BACH2: variants seen among roughly 807,000 people sequenced by gnomAD.
BACH2 encodes the protein BACH transcriptional regulator 2.
A neutral mutation model predicts 61.8 loss-of-function variants in BACH2; 5 were observed. The ratio of observed to expected loss-of-function variants is 0.08; its 90% CI spans 0.04 to 0.17. BACH2 has a LOEUF of 0.17. BACH2 is among the 10% of genes least tolerant of loss of function. The pLI, the probability that BACH2 is intolerant of heterozygous loss-of-function variation, is 1.00. For missense variants in BACH2, 824 were observed against 1,091.1 expected, an observed-to-expected ratio of 0.76 and a Z score of 3.45; for synonymous variants, 446 against 440.1, an observed-to-expected ratio of 1.01 and a Z score of -0.17.
chr6:90,000,241 T>C (rs970777787), intron 6 of BACH2, among the ~76,000 whole-genome samples: 1 of 152,230 alleles, frequency 6.6e-6, no homozygotes, highest in Non-Finnish European at 1.5e-5. Flanking sequence ...CATCCGAGAC[T>C]GAGGACCACA....
intron 1 of BACH2, among the ~76,000 whole-genome samples, chr6:90,281,844 T>A (rs1435196301): frequency 1.3e-5 from 2 of 152,126 alleles, no homozygotes; most frequent in African/African-American, 4.8e-5. Flanking sequence ...CAGGTAGACA[T>A]CATTTTCCCT....
intron 5 of BACH2, among the ~76,000 whole-genome samples, chr6:90,011,864 T>TG (rs60398278): frequency 1 from 150,834 of 150,954 alleles, 75,360 homozygotes; most frequent in East Asian, 1. Context: ...GAGGTTGCAG[T>TG]GGCCGAGATC....
intron 1 of BACH2, among the ~76,000 whole-genome samples, chr6:90,275,281 C>T (rs1413585151): frequency 1.3e-5 from 2 of 152,144 alleles, no homozygotes; most frequent in Admixed American, 6.5e-5. Context: ...TTAAAATGCA[C>T]CTGCACTGTA....
rs556813922 is a variant in BACH2, at chr6:89,981,111, T to G, written c.243+27491A>C. 1.3e-4 allele frequency among the ~76,000 whole-genome samples: 20 copies of G among 151,670 alleles called. 1 individual carries two copies. The South Asian group carries it at 4.2e-3, about 32-fold the overall frequency. ...GTTTTAGCTTAAAGATGATAAAAAC[T>G]AATAGGGTTCATCGTGATTCGCTTT... On this transcript the variant is annotated intron_variant, in intron 6 of 8. Coordinates refer to ENST00000257749, the MANE Select transcript of BACH2 (RefSeq NM_021813.4).
intron 4 of BACH2, among the ~76,000 whole-genome samples, chr6:90,103,262 C>A (rs947233577): frequency 1.3e-5 from 2 of 151,572 alleles, no homozygotes; most frequent in African/African-American, 4.9e-5. Context: ...CTGCATCTGA[C>A]TAATTGGGGA....
intron 6 of BACH2, among the ~76,000 whole-genome samples, chr6:89,976,082 C>A (rs867768087): frequency 7.9e-5 from 12 of 152,216 alleles, no homozygotes; most frequent in Non-Finnish European, 1.5e-4. Flanking sequence ...CTGAATCCAT[C>A]TTGTCATGCC....
At chr6:90,152,029 A>T (rs1186770850) in intron 4 of BACH2, among the ~76,000 whole-genome samples, 1 of 152,244 alleles carries the variant, frequency 6.6e-6, no homozygotes, top group African/African-American at 2.4e-5. Context: ...TATTAATGGC[A>T]TTTTAGCAAG....
chr6:89,963,619 A>G (rs959599064), intron 6 of BACH2, among the ~76,000 whole-genome samples: 4 of 152,210 alleles, frequency 2.6e-5, no homozygotes, highest in African/African-American at 9.7e-5. Context: ...AGATTGCAAA[A>G]TAGTGCAGCT....
intron 3 of BACH2, among the ~76,000 whole-genome samples, chr6:90,219,437 T>C (rs1228369910): frequency 6.6e-6 from 1 of 152,182 alleles, no homozygotes; most frequent in African/African-American, 2.4e-5. Flanking sequence ...TGGAGCTGTG[T>C]GTTTCTTTTT....
At position 89,932,612 on chromosome 6, in the gene BACH2, C is replaced by T. The variant is rs141231678; in HGVS notation, c.2322G>A (p.Ala774=). The T allele has an allele frequency of 6.0e-5, 97 of 1,613,884 alleles. No individual in the cohort carries two copies. The African/African-American group carries it at 9.1e-4, about 15-fold the overall frequency. ...ENVPCCLEPG[A]APPGPPWAPS... is the part of the protein sequence containing the mutation. ...GTGCCCAGGGGGGTCCGGGGGGAGC[C>T]GCGCCTGGCTCCAAGCAGCAGGGCA... Residue 774 remains alanine (A), a synonymous_variant, in exon 9 of 9, where the codon GCG becomes GCA. Transcript: ENST00000257749.
intron 3 of BACH2, among the ~76,000 whole-genome samples, chr6:90,210,800 G>A (rs1769319447): frequency 6.6e-6 from 1 of 152,044 alleles, no homozygotes; most frequent in African/African-American, 2.4e-5. Context: ...CCTAACAGTT[G>A]GTTCAATGGT....
chr6:90,187,611 CG>C (rs1473294958), intron 4 of BACH2, among the ~76,000 whole-genome samples: 1 of 152,168 alleles, frequency 6.6e-6, no homozygotes, highest in Non-Finnish European at 1.5e-5. Context: ...TTCACAGAGA[CG>C]GGTCATTCCA....
chr6:90,011,960 G>A (rs1245890879), intron 5 of BACH2, among the ~76,000 whole-genome samples: 1 of 150,068 alleles, frequency 6.7e-6, no homozygotes, highest in Non-Finnish European at 1.5e-5. Flanking sequence ...GTGTGTGTGT[G>A]TGTGTGTGTG....
chr6:89,989,892 G>T (rs565383789), intron 6 of BACH2, among the ~76,000 whole-genome samples: 1 of 152,202 alleles, frequency 6.6e-6, no homozygotes, highest in Non-Finnish European at 1.5e-5. Flanking sequence ...CTTGAGGAAC[G>T]AAATATGCTT....
At chr6:90,203,890 T>G (rs997307121) in intron 4 of BACH2, among the ~76,000 whole-genome samples, 1 of 152,018 alleles carries the variant, frequency 6.6e-6, no homozygotes, top group Non-Finnish European at 1.5e-5. Flanking sequence ...CTGGCACAGA[T>G]AGGAGTTCAA....
chr6:90,016,169 T>C (rs145304966), intron 5 of BACH2, among the ~76,000 whole-genome samples: 1,581 of 152,246 alleles, frequency 0.01, 16 homozygotes, highest in Middle Eastern at 0.037. Flanking sequence ...AATGTGATTC[T>C]TGTAAGTAAC....
chr6:90,172,434 A>AT (rs1235944086), intron 4 of BACH2, among the ~76,000 whole-genome samples: 2 of 151,730 alleles, frequency 1.3e-5, no homozygotes, highest in East Asian at 1.9e-4. Context: ...ATTCAAAATA[A>AT]TTTTTTTTTC....
chr6:90,073,132 T>G (rs1194808708), intron 5 of BACH2, among the ~76,000 whole-genome samples: 2 of 152,226 alleles, frequency 1.3e-5, no homozygotes, highest in African/African-American at 2.4e-5. Context: ...GTTTCAAACG[T>G]TTTTCAGATG....
At chr6:89,989,732 T>G (rs182604562) in intron 6 of BACH2, among the ~76,000 whole-genome samples, 59 of 152,306 alleles carry the variant, frequency 3.9e-4, no homozygotes, top group African/African-American at 1.3e-3. Flanking sequence ...AGAATTCTCA[T>G]GAAATGCTCT....
Sources: gnomAD v4.1 joint callset for allele counts (sites outside exome capture counted in the v4.1 genomes callset) on GRCh38, gnomAD v4.1.1 for gene constraint, MANE v1.5 for transcripts, NCBI Gene and HGNC (gene_info 2026-07-23, HGNC 2026-07-21) for gene names.